FAM120C: variants seen among roughly 807,000 people sequenced by gnomAD.
FAM120C encodes the protein constitutive coactivator of PPAR-gamma-like protein 2.
A neutral mutation model predicts 71.2 loss-of-function variants in FAM120C; 14 were observed. That is an observed-to-expected ratio of 0.20 (90% CI 0.13 to 0.31). FAM120C has a LOEUF of 0.31. Among genes scored for constraint, FAM120C ranks in the 10% least tolerant of loss-of-function variants. The pLI is 1.00. For missense variants in FAM120C, 500 were observed against 879.0 expected (o/e 0.57, Z 5.45); for synonymous variants, 354 against 353.2 (o/e 1.00, Z -0.03).
chrX:54,083,092 C>A (rs1278727480), intron 13 of FAM120C, among the ~76,000 whole-genome samples: 8 of 108,033 alleles, frequency 7.4e-5, no homozygotes, highest in Non-Finnish European at 1.3e-4. Flanking sequence ...GCATTCCAGC[C>A]TGGGTGACAG....
At chrX:54,127,974 G>A (rs183141655) in intron 9 of FAM120C, among the ~76,000 whole-genome samples, 7 of 110,793 alleles carry the variant, frequency 6.3e-5, no homozygotes, top group African/African-American at 1.6e-4. Context: ...ATGGTAGTTC[G>A]TTTTTTAGTT....
Position 54,073,079 on chromosome X carries a change from A to G in FAM120C, c.3245T>C (p.Leu1082Ser). The stretch of plus-strand genomic sequence containing the variant: ...CACAGTTTCTAGCTTTTGCTCTTGT[A>G]AGTGGTTCTTCTCCCTATTATTCAT... ...LPMNNREKNH[L>S]QEQKLETVAQ... The change falls in exon 16 of 16, where the codon TTA (leucine) becomes TCA (serine). Residue 1082 changes from leucine to serine, a missense_variant. Leu to Ser is a moderately radical substitution (Grantham distance 145, BLOSUM62 -2). This residue lies in a region of FAM120C where 85 missense variants were observed against 96.1 expected (regional missense o/e 0.88). Transcript: ENST00000375180. 1 of 1,210,124 alleles carries G rather than the reference A, an allele frequency of 8.3e-7. No homozygotes were observed. The highest frequency in any genetic ancestry group is 1.1e-6 in the Non-Finnish European group (1 of 894,597).
chrX:54,106,802 C>G (rs1557124917), intron 10 of FAM120C, among the ~76,000 whole-genome samples: 1 of 112,122 alleles, frequency 8.9e-6, no homozygotes, highest in Admixed American at 9.5e-5. Flanking sequence ...TGAAAAAATG[C>G]TCATCATCAG....
chrX:54,148,360 A>G (rs1473711433), intron 4 of FAM120C, among the ~76,000 whole-genome samples: 1 of 111,564 alleles, frequency 9.0e-6, no homozygotes, highest in Non-Finnish European at 1.9e-5. Context: ...CAGAACAAAA[A>G]TGTTGGCCAG....
chrX:54,077,856 C>T (rs1246454158), intron 15 of FAM120C, among the ~76,000 whole-genome samples: 2 of 107,715 alleles, frequency 1.9e-5, no homozygotes. Flanking sequence ...TTAGCCATAT[C>T]CACACAGCTA....
intron 3 of FAM120C, among the ~76,000 whole-genome samples, chrX:54,156,483 T>C (rs1178023130): frequency 2.8e-5 from 3 of 108,249 alleles, no homozygotes; most frequent in Middle Eastern, 4.2e-3. Context: ...CCACCACACC[T>C]GGCTAATTTT....
At position 54,126,785 on chromosome X, in the gene FAM120C, A is replaced by G. The variant is rs940531910; in HGVS notation, c.2062+5907T>C. ...AACAAGTCTTACAACAATGGAATAA[A>G]CCCTACTCGGCCTTGGCCATGGCAT... is the stretch of plus-strand genomic sequence containing the variant. On this transcript the variant is annotated intron_variant, in intron 9 of 15. Coordinates refer to ENST00000375180, the MANE Select transcript of FAM120C (RefSeq NM_017848.6). 5.3e-5 allele frequency among the ~76,000 whole-genome samples: 6 copies of G among 113,288 alleles called. No individual in the cohort carries two copies. In the East Asian group the frequency reaches 1.7e-3, roughly 31 times the overall value.
intron 15 of FAM120C, among the ~76,000 whole-genome samples, chrX:54,075,614 T>G (rs887660329): frequency 9.2e-6 from 1 of 108,804 alleles, no homozygotes; most frequent in South Asian, 4.0e-4. Flanking sequence ...CTGACCAACA[T>G]GGTGAAACCC....
chrX:54,123,853 TCTA>T (rs2067009590), intron 9 of FAM120C, among the ~76,000 whole-genome samples: 1 of 83,324 alleles, frequency 1.2e-5, no homozygotes, highest in African/African-American at 4.5e-5. Context: ...TGTGGTTTTA[TCTA>T]CTTTTGGTCT....
At chrX:54,181,022 CTT>C (rs373135679) in intron 1 of FAM120C, among the ~76,000 whole-genome samples, 75 of 96,445 alleles carry the variant, frequency 7.8e-4, no homozygotes, top group African/African-American at 7.9e-4. Flanking sequence ...AAATGTGTGC[CTT>C]TTTTTTTTTT....
At chrX:54,085,952 T>A (rs2066792311) in intron 12 of FAM120C, 36 bp from the exon 13 acceptor site, 1 of 1,151,101 alleles carries the variant, frequency 8.7e-7, no homozygotes, top group African/African-American at 1.8e-5. Flanking sequence ...GCAGCTGCCA[T>A]TTTTCGAACT....
At position 54,073,277 on chromosome X, in the gene FAM120C, T is replaced by C. The variant is rs2066719504; in HGVS notation, c.3047A>G (p.Asp1016Gly). 1 of 1,202,784 alleles carries C rather than the reference T, an allele frequency of 8.3e-7. No homozygotes were observed. The highest frequency in any genetic ancestry group is 1.7e-5 in the African/African-American group (1 of 57,432). The change falls in exon 16 of 16, where the codon GAT becomes GGT. Residue 1016 changes from aspartate to glycine, a missense_variant. Around this residue, in one of 11 missense-constraint regions of FAM120C, gnomAD observed 85 missense variants for 96.1 expected, o/e 0.88. Coordinates refer to ENST00000375180, the MANE Select transcript of FAM120C (RefSeq NM_017848.6). ...HKKGNKQGSS[D>G]GVSKSLELHQ... is the part of the protein sequence containing the mutation. ...AAGCTCCAGGGATTTAGAAACTCCA[T>C]CTGAAGAGCCCTGTTAAAAACAGAG... is the stretch of plus-strand genomic sequence containing the variant.
chrX:54,092,677 TAGGAAGACACTGCAGGATTGTCAGA>T (rs1413410996), intron 10 of FAM120C, among the ~76,000 whole-genome samples: 1 of 111,585 alleles, frequency 9.0e-6, no homozygotes, highest in African/African-American at 3.3e-5. Context: ...CCTGAAATTG[TAGGAAGACACTGCAGGATTGTCAGA>T]AGGACTGGTT....
chrX:54,086,002 C>T, intron 12 of FAM120C, 86 bp from the exon 13 acceptor site: 2 of 804,648 alleles, frequency 2.5e-6, no homozygotes, highest in Non-Finnish European at 3.7e-6. Flanking sequence ...ACTCTAGGTA[C>T]AGTCTCACAA....
intron 1 of FAM120C, among the ~76,000 whole-genome samples, chrX:54,170,817 GA>G (rs1375430093): frequency 8.9e-6 from 1 of 112,221 alleles, no homozygotes; most frequent in Non-Finnish European, 1.9e-5. Flanking sequence ...ACTACTGCCT[GA>G]AGGTCCTCAG....
intron 3 of FAM120C, 77 bp from the exon 4 acceptor site, chrX:54,151,450 T>C: frequency 4.1e-6 from 4 of 981,821 alleles, no homozygotes; most frequent in Non-Finnish European, 5.6e-6. Flanking sequence ...TGAGGGGAGA[T>C]ATGGAATTCA....
In FAM120C at chrX:54,071,893, A is replaced by T. The variant is rs2066710305; in HGVS notation, c.*1140T>A. The T allele has an allele frequency of 9.3e-6, 1 of 107,192 alleles. No homozygotes were observed. The highest frequency in any genetic ancestry group is 1.0e-4 in the Admixed American group (1 of 9,799). The allele number at this position is 107,192 out of a possible 1,213,427, so 8.8% of individuals were successfully genotyped here. On this transcript the variant is annotated 3_prime_UTR_variant, in exon 16 of 16. Transcript: ENST00000375180. ...AAACCTTCCACTCCATAGCAGTGGA[A>T]GCATTTCTGGGAAATTGAGTAAATC... is the stretch of plus-strand genomic sequence containing the variant.
chrX:54,157,823 TC>T, intron 2 of FAM120C, 52 bp from the exon 3 acceptor site: 1 of 902,826 alleles, frequency 1.1e-6, no homozygotes, highest in Non-Finnish European at 1.6e-6. Context: ...TCTTAGAACC[TC>T]CAGGCCATGA....
chrX:54,085,970 T>C (rs2066792586), intron 12 of FAM120C, 54 bp from the exon 13 acceptor site: 1 of 1,068,802 alleles, frequency 9.4e-7, no homozygotes, highest in African/African-American at 1.8e-5. Flanking sequence ...ACTTGTCCCA[T>C]GTTTTAGGCC....
Sources: gnomAD v4.1 joint callset for allele counts (sites outside exome capture counted in the v4.1 genomes callset) on GRCh38, gnomAD v4.1.1 for gene constraint, gnomAD v4.1.1 regional missense constraint, MANE v1.5 for transcripts, NCBI Gene and HGNC (gene_info 2026-07-23, HGNC 2026-07-21) for gene names.